SGK2: variants seen among roughly 807,000 people sequenced by gnomAD.
The protein encoded by SGK2 is serine/threonine-protein kinase Sgk2.
In SGK2, 36 loss-of-function variants were observed where a neutral mutation model predicts 47.5. That is an observed-to-expected ratio of 0.76 (90% CI 0.58 to 1.00). The LOEUF is 1.00. SGK2 is among the 50% of genes least tolerant of loss of function. The pLI is 0.00. For missense variants in SGK2, 404 were observed against 467.4 expected (o/e 0.86, Z 1.25); for synonymous variants, 157 against 181.9 (o/e 0.86, Z 1.10).
At chr20:43,575,352 A>G (rs1229242786) in intron 10 of SGK2, among the ~76,000 whole-genome samples, 1 of 150,336 alleles carries the variant, frequency 6.7e-6, no homozygotes, top group Admixed American at 6.7e-5. Context: ...AATCCCAGTT[A>G]TTCGGCAGGC....
intron 6 of SGK2, chr20:43,569,735 A>C (rs1979981246): frequency 2.5e-5 from 13 of 511,614 alleles, no homozygotes; most frequent in East Asian, 6.7e-5. Flanking sequence ...GGTCTGTTAG[A>C]CTCCCCACCA....
At chr20:43,577,760 C>T (rs1980555171) in intron 11 of SGK2, among the ~76,000 whole-genome samples, 1 of 151,892 alleles carries the variant, frequency 6.6e-6, no homozygotes. Context: ...TCTAATGCCT[C>T]AGCCTACTGA....
chr20:43,583,551 G>T, intron 12 of SGK2: 1 of 985,420 alleles, frequency 1.0e-6, no homozygotes, highest in Non-Finnish European at 1.2e-6. Flanking sequence ...CACTAAAGCA[G>T]ATTTGCAAGC....
Position 43,560,692 on chromosome 20 carries a change from T to A in SGK2, c.-24+1533T>A, listed in dbSNP as rs555605610. 3.3e-5 allele frequency among the ~76,000 whole-genome samples: 5 copies of A among 152,338 alleles called. No homozygotes were observed. The East Asian group carries it at 9.6e-4, about 29-fold the overall frequency. On this transcript the variant is annotated intron_variant, in intron 1 of 12. Coordinates refer to ENST00000373100, the MANE Select transcript of SGK2 (RefSeq NM_170693.3). ...AAACTTGGTTTTTTGCTTGATATTG[T>A]ATCACATGTATGTTCCTGTTTTGGT... is the stretch of plus-strand genomic sequence containing the variant.
At chr20:43,569,557 G>A (rs181145580) in intron 6 of SGK2, 41 bp downstream of exon 6, 174 of 1,604,960 alleles carry the variant, frequency 1.1e-4, no homozygotes, top group Admixed American at 4.0e-4. Flanking sequence ...GCTGGCTCTC[G>A]GCTGGGAGCT....
At position 43,566,500 on chromosome 20, in the gene SGK2, A is replaced by G; in HGVS notation, c.5A>G (p.Asn2Ser). The change falls in exon 2 of 13, where the codon AAC becomes AGC. Residue 2 changes from asparagine to serine, a missense_variant. By Grantham distance (46) the Asn-to-Ser change is conservative. Coordinates refer to ENST00000373100, the MANE Select transcript of SGK2 (RefSeq NM_170693.3). The part of the protein sequence containing the change: M[N>S]SSPAGTPSPQ... ...CTGCCTGATCATTGCTACAGAATGA[A>G]CTCTAGCCCAGCTGGGACCCCAAGT... 4 of 1,613,390 alleles carry G rather than the reference A, an allele frequency of 2.5e-6. No individual in the cohort carries two copies. The highest frequency in any genetic ancestry group is 2.5e-6 in the Non-Finnish European group (3 of 1,179,764).
intron 1 of SGK2, among the ~76,000 whole-genome samples, chr20:43,561,480 C>T (rs1006387203): frequency 6.7e-6 from 1 of 150,272 alleles, no homozygotes; most frequent in Non-Finnish European, 1.5e-5. Flanking sequence ...ACCTCTGCCT[C>T]CTGGGTTCAA....
At chr20:43,580,806 C>T (rs1289293135) in intron 12 of SGK2, among the ~76,000 whole-genome samples, 1 of 149,320 alleles carries the variant, frequency 6.7e-6, no homozygotes, top group Non-Finnish European at 1.5e-5. Context: ...CTTATTATCT[C>T]ACTACTTAAG....
chr20:43,580,727 C>CAAAA (rs764803627), intron 12 of SGK2, among the ~76,000 whole-genome samples: 1 of 68,734 alleles, frequency 1.5e-5, no homozygotes, highest in African/African-American at 5.7e-5. Flanking sequence ...GACTTCATCT[C>CAAAA]AAAAAAAAAA....
chr20:43,571,046 CT>C lies in SGK2; in HGVS notation c.497del (p.Leu166ProfsTer10), dbSNP rs761003727. 1 of 1,607,768 alleles carries C rather than the reference CT, an allele frequency of 6.2e-7. No individual in the cohort carries two copies. ...CAGGGATCTGAAACCAGAGAACATT[CT>C]CTTGGACTGCCAGGTTGGTGTGTGT... is the stretch of plus-strand genomic sequence containing the variant. ...IYRDLKPENI[L>X]LDCQGHVVLT... On this transcript the variant is annotated frameshift_variant, in exon 8 of 13. Transcript: ENST00000373100. LOFTEE classifies it high-confidence loss of function.
chr20:43,562,954 G>A (rs923147578), intron 1 of SGK2, among the ~76,000 whole-genome samples: 2 of 151,914 alleles, frequency 1.3e-5, no homozygotes, highest in African/African-American at 2.4e-5. Context: ...CCAACATGGC[G>A]AAACCCCATC....
chr20:43,574,171 T>A (rs1174152341), intron 9 of SGK2, among the ~76,000 whole-genome samples: 1 of 152,100 alleles, frequency 6.6e-6, no homozygotes, highest in Non-Finnish European at 1.5e-5. Context: ...CCCCACACAG[T>A]CTCTCAGAGC....
intron 11 of SGK2, among the ~76,000 whole-genome samples, chr20:43,579,110 C>G (rs546829989): frequency 1.3e-5 from 2 of 151,504 alleles, no homozygotes; most frequent in African/African-American, 4.9e-5. Flanking sequence ...CTCTGCCTCC[C>G]GGGTTCAAGT....
chr20:43,577,071 A>AG (rs1050652254), intron 11 of SGK2, among the ~76,000 whole-genome samples: 11 of 152,190 alleles, frequency 7.2e-5, no homozygotes, highest in African/African-American at 2.4e-4. Context: ...CAATAATGGG[A>AG]GGGGGGGCAA....
At chr20:43,575,359 A>C (rs753407280) in intron 10 of SGK2, among the ~76,000 whole-genome samples, 1 of 150,552 alleles carries the variant, frequency 6.6e-6, no homozygotes, top group Non-Finnish European at 1.5e-5. Flanking sequence ...GTTATTCGGC[A>C]GGCTAAGGCA....
chr20:43,577,631 G>A (rs1485357691), intron 11 of SGK2, among the ~76,000 whole-genome samples: 1 of 149,514 alleles, frequency 6.7e-6, no homozygotes, highest in African/African-American at 2.5e-5. Flanking sequence ...TTACAGGAGT[G>A]AGCTACCATG....
rs1979846169 is a variant in SGK2, at chr20:43,568,010, T to C, written c.228+11T>C. On this transcript the variant is annotated intron_variant, in intron 5 of 12. Transcript: ENST00000373100. ...TTAAAGAAGAAAGAGGTACCAGAGC[T>C]CGGGCACAGGCATTTCTTCTTCTGC... The C allele has an allele frequency of 6.2e-7, 1 of 1,610,710 alleles. No homozygotes were observed. Among genetic ancestry groups the C allele is most frequent in the Non-Finnish European group, 8.5e-7 (1 of 1,176,852 alleles).
chr20:43,559,432 A>G (rs556734669), intron 1 of SGK2, among the ~76,000 whole-genome samples: 7 of 151,718 alleles, frequency 4.6e-5, no homozygotes, highest in South Asian at 4.2e-4. Flanking sequence ...CTAGCTTTCT[A>G]TTGTCTTCCT....
In SGK2 at chr20:43,583,129, T is replaced by C. The variant is rs141676689; in HGVS notation, c.940-1723T>C. On this transcript the variant is annotated intron_variant, in intron 12 of 12. Transcript: ENST00000373100. ...AATGTTAATTCACCATTTACATTTC[T>C]CATTTGTTTAATTACCTATTCATGA... is the stretch of plus-strand genomic sequence containing the variant. The C allele has an allele frequency of 1.5e-4, 182 of 1,222,362 alleles. No homozygotes were observed. In the East Asian group the frequency reaches 6.9e-3, roughly 46 times the overall value. The allele number at this position is 1,222,362 out of a possible 1,614,324, so 75.7% of individuals were successfully genotyped here.
Sources: allele counts gnomAD v4.1 joint callset (sites outside exome capture counted in the v4.1 genomes callset), GRCh38; gene constraint gnomAD v4.1.1; transcripts MANE v1.5; gene names NCBI Gene and HGNC (gene_info 2026-07-23, HGNC 2026-07-21).